The following VPS13D variants were observed in gnomAD, a reference collection of about 807,000 sequenced individuals.
The protein encoded by VPS13D is vacuolar protein sorting 13 homolog D, also known as intermembrane lipid transfer protein VPS13D.
In VPS13D, 187 loss-of-function variants were observed where a neutral mutation model predicts 461.9. The ratio of observed to expected loss-of-function variants is 0.40; its 90% confidence interval spans 0.36 to 0.46. The LOEUF is 0.46. Among genes scored for constraint, VPS13D ranks in the 20% least tolerant of loss-of-function variants. The pLI is 0.60. For synonymous variants in VPS13D, 1,951 were observed against 1,986.3 expected (o/e 0.98, Z 0.47); for missense variants, 4,711 against 5,364.9 (o/e 0.88, Z 3.81).
intron 66 of VPS13D, among the ~76,000 whole-genome samples, chr1:12,458,851 T>C (rs955633052): frequency 2.0e-5 from 3 of 152,344 alleles, no homozygotes; most frequent in African/African-American, 7.2e-5. Flanking sequence ...GCTTCTGGCC[T>C]CTTCTAAGGT....
chr1:12,400,334 G>T lies in VPS13D; in HGVS notation c.11784+4G>T, dbSNP rs1557757309. ...TGCACTGACCAACATCTACAAGGTG[G>T]GCTGGTGGAGGAGGCTGGTGGGTTG... On this transcript the variant is annotated splice_donor_region_variant and intron_variant, in intron 61 of 69. Coordinates refer to ENST00000620676, the MANE Select transcript of VPS13D (RefSeq NM_015378.4). 1.9e-6 allele frequency: 3 copies of T among 1,613,836 alleles called. No individual in the cohort carries two copies. The highest frequency in any genetic ancestry group is 1.7e-5 in the Admixed American group (1 of 59,998).
chr1:12,340,457 A>G (rs1363350894), intron 40 of VPS13D, among the ~76,000 whole-genome samples: 1 of 152,194 alleles, frequency 6.6e-6, no homozygotes, highest in Non-Finnish European at 1.5e-5. Flanking sequence ...TCAAAACTTT[A>G]AAAGAGGTAA....
At position 12,296,779 on chromosome 1, in the gene VPS13D, ATTG is replaced by A. The variant is rs749432866; in HGVS notation, c.6034-2418_6034-2416del. Among the ~76,000 whole-genome samples the A allele has an allele frequency of 1.2e-3, 190 of 152,252 alleles. 2 individuals are homozygous for A. The highest frequency in any genetic ancestry group is 6.9e-4 in the Non-Finnish European group (47 of 68,008). On this transcript the variant is annotated intron_variant, in intron 24 of 69. Transcript: ENST00000620676. ...ACTCTGCTAAATGTTTTCTGTTAGA[ATTG>A]TTGTGTGCATTTAAAACAGTTATTT...
In VPS13D at chr1:12,268,931, T is replaced by C. The variant is rs1176287419; in HGVS notation, c.1972+55T>C. ...TTCCTTTTGAAAAACATCTTTATTG[T>C]TATTTCTGGTGTTCTGGACAAGGGT... On this transcript the variant is annotated intron_variant, in intron 16 of 69. Transcript: ENST00000620676. The C allele has an allele frequency of 2.0e-5, 31 of 1,563,772 alleles. No homozygotes were observed. The Admixed American group carries it at 5.8e-4, about 29-fold the overall frequency.
At chr1:12,329,987 T>C in intron 37 of VPS13D, 69 bp downstream of exon 37, 1 of 1,043,922 alleles carries the variant, frequency 9.6e-7, no homozygotes. Flanking sequence ...GACCTATTGC[T>C]ACGTAAATTT....
chr1:12,503,003 C>T (rs777334180), intron 68 of VPS13D, among the ~76,000 whole-genome samples: 1 of 152,198 alleles, frequency 6.6e-6, no homozygotes, highest in African/African-American at 2.4e-5. Flanking sequence ...CGACTGGCAT[C>T]AGGGTGGCTG....
At chr1:12,450,185 G>A (rs1396810718) in intron 65 of VPS13D, among the ~76,000 whole-genome samples, 2 of 152,142 alleles carry the variant, frequency 1.3e-5, no homozygotes, top group African/African-American at 4.8e-5. Context: ...GATAAACTGA[G>A]GTTCAGAGAA....
intron 15 of VPS13D, 97 bp from the exon 16 acceptor site, chr1:12,268,609 T>C (rs184224589): frequency 2.1e-4 from 278 of 1,343,100 alleles, no homozygotes; most frequent in Non-Finnish European, 2.8e-4. Flanking sequence ...AAAAATAATT[T>C]AGAAAATGTC....
At chr1:12,392,033 G>C (rs573616559) in intron 60 of VPS13D, among the ~76,000 whole-genome samples, 5 of 151,898 alleles carry the variant, frequency 3.3e-5, no homozygotes, top group African/African-American at 1.2e-4. Flanking sequence ...GCTGATTTTT[G>C]TATTTTTTGT....
chr1:12,341,562 G>C (rs975866657), intron 40 of VPS13D, among the ~76,000 whole-genome samples: 14 of 152,286 alleles, frequency 9.2e-5, no homozygotes, highest in African/African-American at 3.4e-4. Flanking sequence ...TAAGAGTTGT[G>C]GAAGAATTGG....
Position 12,510,832 on chromosome 1 carries a change from G to C in VPS13D, c.*1808G>C, listed in dbSNP as rs1646173460. On this transcript the variant is annotated 3_prime_UTR_variant, in exon 70 of 70. Transcript: ENST00000620676. Reference sequence around the variant, plus strand: ...TGCACAAGATGGCAGCTCCTCTGCAGCTTCCTCCTCAGCCTCCCTCCTTGC... The same window carrying C: ...TGCACAAGATGGCAGCTCCTCTGCACCTTCCTCCTCAGCCTCCCTCCTTGC... 1 of 152,466 alleles carries C rather than the reference G, an allele frequency of 6.6e-6. No homozygotes were observed. The highest frequency in any genetic ancestry group is 1.5e-5 in the Non-Finnish European group (1 of 68,246). 9.4% of individuals were successfully genotyped at this position (152,466 alleles called of 1,614,324 possible). A position where few individuals can be genotyped will look rare whatever the true frequency, so the allele number is the denominator to read the frequency against.
At chr1:12,498,783 C>T (rs1645994888) in intron 68 of VPS13D, among the ~76,000 whole-genome samples, 1 of 152,196 alleles carries the variant, frequency 6.6e-6, no homozygotes, top group African/African-American at 2.4e-5. Flanking sequence ...GCCCTCTTCT[C>T]ACTGTGTCCC....
intron 27 of VPS13D, among the ~76,000 whole-genome samples, chr1:12,310,224 A>C (rs973811162): frequency 7.9e-5 from 12 of 151,582 alleles, no homozygotes; most frequent in African/African-American, 2.9e-4. Context: ...GTGTCCTGTC[A>C]GTCTCACACT....
intron 9 of VPS13D, among the ~76,000 whole-genome samples, chr1:12,257,658 T>C (rs147933500): frequency 8.3e-4 from 126 of 152,364 alleles, no homozygotes; most frequent in African/African-American, 2.9e-3. Flanking sequence ...CAGCCTTCGA[T>C]ATTCTGTCAG....
rs1381815210 is a variant in VPS13D, at chr1:12,507,029, C to A, written c.12971C>A (p.Thr4324Asn). ...CATGGGAAGGTGTATGTGCAGGTGA[C>A]CAAGAAAGCCGTGAGCACGAGCAGT... ...KDHGKVYVQV[T>N]KKAVSTSSGV... The change falls in exon 69 of 70, where the codon ACC (threonine) becomes AAC (asparagine). Residue 4324 changes from threonine to asparagine, a missense_variant. Physicochemically the swap from Thr to Asn is moderately conservative, Grantham distance 65. Transcript: ENST00000620676. The surrounding 1 kb of genome is among the most constrained non-coding windows in gnomAD (Gnocchi z 5.3). 6.2e-7 allele frequency: 1 copy of A among 1,614,140 alleles called. No individual in the cohort carries two copies. Among genetic ancestry groups the A allele is most frequent in the African/African-American group, 1.3e-5 (1 of 74,940 alleles).
intron 60 of VPS13D, among the ~76,000 whole-genome samples, chr1:12,387,937 T>A (rs1644369992): frequency 6.6e-6 from 1 of 152,172 alleles, no homozygotes; most frequent in African/African-American, 2.4e-5. Flanking sequence ...CTGAAAGGTA[T>A]CAGCAGACCC....
chr1:12,257,976 A>C lies in VPS13D; in HGVS notation c.983A>C (p.Tyr328Ser), dbSNP rs1337243688. Residue 328 changes from tyrosine to serine, a missense_variant, in exon 10 of 70, where the codon TAT becomes TCT. Tyr to Ser is a moderately radical substitution (Grantham distance 144, BLOSUM62 -2). Around this residue, in one of 3 missense-constraint regions of VPS13D, gnomAD observed 4,411 missense variants for 4,937.8 expected, o/e 0.89. Coordinates refer to ENST00000620676, the MANE Select transcript of VPS13D (RefSeq NM_015378.4). ...TATTTTGCTTTGAATGCTAACTTGTATGAGATCAGAGAGCAGAGGAAACGT... is the reference window on the plus strand; with the variant it reads ...TATTTTGCTTTGAATGCTAACTTGTCTGAGATCAGAGAGCAGAGGAAACGT... ...WWYFALNANL[Y>S]EIREQRKRCT... The C allele has an allele frequency of 6.2e-7, 1 of 1,614,168 alleles. No homozygotes were observed. Among genetic ancestry groups the C allele is most frequent in the East Asian group, 2.2e-5 (1 of 44,884 alleles).
chr1:12,338,112 C>A, intron 39 of VPS13D, 119 bp from the exon 40 acceptor site: 1 of 869,514 alleles, frequency 1.2e-6, no homozygotes, highest in Non-Finnish European at 1.9e-6. Context: ...TGACTCTGTA[C>A]TTGCATGATG....
At chr1:12,272,579 T>C (rs1641480752) in intron 17 of VPS13D, among the ~76,000 whole-genome samples, 1 of 152,194 alleles carries the variant, frequency 6.6e-6, no homozygotes, top group Non-Finnish European at 1.5e-5. Flanking sequence ...GGTGTGTTAT[T>C]TATATTTCAA....
Sources: gnomAD v4.1 joint callset for allele counts (sites outside exome capture counted in the v4.1 genomes callset) on GRCh38, gnomAD v4.1.1 for gene constraint, gnomAD v4.1.1 regional missense constraint, Gnocchi (gnomAD v3.1) non-coding constraint, MANE v1.5 for transcripts, NCBI Gene and HGNC (gene_info 2026-07-23, HGNC 2026-07-21) for gene names.